TICAM1: variants seen among roughly 807,000 people sequenced by gnomAD.
TICAM1 encodes TIR domain-containing adapter molecule 1.
For synonymous variants in TICAM1, 439 were observed against 415.4 expected (o/e 1.06, Z -0.69); for missense variants, 895 against 938.2 (o/e 0.95, Z 0.60).
intron 1 of TICAM1, among the ~76,000 whole-genome samples, chr19:4,829,070 A>G (rs148525417): frequency 0.015 from 2,266 of 152,050 alleles, 53 homozygotes; most frequent in African/African-American, 0.052. Context: ...CCTGACCTCA[A>G]TCGATCCGCC....
At position 4,817,448 on chromosome 19, in the gene TICAM1, G is replaced by A. The variant is rs777146877; in HGVS notation, c.930C>T (p.Gly310=). 6.2e-7 allele frequency: 1 copy of A among 1,614,084 alleles called. No individual in the cohort carries two copies. Among genetic ancestry groups the A allele is most frequent in the East Asian group, 2.2e-5 (1 of 44,874 alleles). Residue 310 remains glycine (G), a synonymous_variant, in exon 2 of 2, where the codon GGC becomes GGT. Coordinates refer to ENST00000248244, the MANE Select transcript of TICAM1 (RefSeq NM_182919.4). The surrounding 1 kb of genome is among the most constrained non-coding windows in gnomAD (Gnocchi z 4.7). The part of the protein sequence containing the change: ...YPVECTEGSA[G]PQSLPLPILE... ...GAATAGGCAAGGGGAGAGACTGGGGGCCTGCAGACCCCTCGGTGCACTCCA... is the reference window on the plus strand; with the variant it reads ...GAATAGGCAAGGGGAGAGACTGGGGACCTGCAGACCCCTCGGTGCACTCCA...
chr19:4,823,198 C>G (rs1419778392), intron 1 of TICAM1, among the ~76,000 whole-genome samples: 1 of 152,064 alleles, frequency 6.6e-6, no homozygotes, highest in Non-Finnish European at 1.5e-5. Flanking sequence ...GGCGCAGTGG[C>G]TCACGCCTGT....
At position 4,817,255 on chromosome 19, in the gene TICAM1, G is replaced by A. The variant is rs2093587818; in HGVS notation, c.1123C>T (p.His375Tyr). The change falls in exon 2 of 2, where the codon CAC becomes TAC. Residue 375 changes from histidine (H) to tyrosine (Y), a missense_variant. His to Tyr is a moderately conservative substitution (Grantham distance 83). Transcript: ENST00000248244. The surrounding 1 kb of genome is among the most constrained non-coding windows in gnomAD (Gnocchi z 4.7). The stretch of plus-strand genomic sequence containing the variant: ...GGGAACAGGGAGGAGGGGGTCAGGT[G>A]AGCTGAACAAGGAGTAGATGAAGGA... ...PPPSSTPCSA[H>Y]LTPSSLFPSS... 1 of 1,612,832 alleles carries A rather than the reference G, an allele frequency of 6.2e-7. No homozygotes were observed. Among genetic ancestry groups the A allele is most frequent in the African/African-American group, 1.3e-5 (1 of 74,344 alleles).
chr19:4,823,329 G>T (rs1266742356), intron 1 of TICAM1, among the ~76,000 whole-genome samples: 6 of 152,250 alleles, frequency 3.9e-5, no homozygotes, highest in African/African-American at 1.4e-4. Flanking sequence ...TCCAGGCATG[G>T]TGGCGGGCGC....
chr19:4,822,968 C>CT (rs931161006), intron 1 of TICAM1, among the ~76,000 whole-genome samples: 7 of 152,018 alleles, frequency 4.6e-5, no homozygotes, highest in Non-Finnish European at 8.8e-5. Context: ...GAGAAAAGGC[C>CT]TTTTTTTGGT....
At chr19:4,831,390 T>A (rs1159252294) in intron 1 of TICAM1, among the ~76,000 whole-genome samples, 2 of 133,452 alleles carry the variant, frequency 1.5e-5, no homozygotes, top group Middle Eastern at 3.3e-3. Flanking sequence ...CTGGGGAGGA[T>A]CCCGACAGTG....
intron 1 of TICAM1, among the ~76,000 whole-genome samples, chr19:4,830,091 A>G (rs1048607598): frequency 1.5e-4 from 19 of 127,318 alleles, no homozygotes; most frequent in Non-Finnish European, 3.0e-4. Flanking sequence ...GCCCAGCCCC[A>G]TTTCATTTTT....
At chr19:4,822,367 C>T (rs530498598) in intron 1 of TICAM1, among the ~76,000 whole-genome samples, 130 of 152,082 alleles carry the variant, frequency 8.5e-4, no homozygotes, top group African/African-American at 2.7e-3. Context: ...TTCAGCCTCC[C>T]GAGTAGCTGG....
rs2093592475 is a variant in TICAM1 at position 4,818,864 on chromosome 19, G to T, written c.-139-348C>A. On this transcript the variant is annotated intron_variant, in intron 1 of 1. Coordinates refer to ENST00000248244, the MANE Select transcript of TICAM1 (RefSeq NM_182919.4). This position sits in a 1 kb window ranked among gnomAD's most constrained non-coding sequence, Gnocchi z 4.0. The stretch of plus-strand genomic sequence containing the variant: ...GGGGCTTAAGCCTGTAATCCCAGCA[G>T]TTGTGGAGGCCGAGGCGGGGGGATC... Among the ~76,000 whole-genome samples, 1 of 152,110 alleles carries T rather than the reference G, an allele frequency of 6.6e-6. No homozygotes were observed. Among genetic ancestry groups the T allele is most frequent in the South Asian group, 2.1e-4 (1 of 4,828 alleles).
chr19:4,828,758 A>G (rs2093609536), intron 1 of TICAM1, among the ~76,000 whole-genome samples: 1 of 145,822 alleles, frequency 6.9e-6, no homozygotes, highest in South Asian at 2.2e-4. Context: ...GCTGGAGTGC[A>G]GTGGCGCGAT....
At chr19:4,820,600 C>T (rs1390007606) in intron 1 of TICAM1, among the ~76,000 whole-genome samples, 3 of 151,538 alleles carry the variant, frequency 2.0e-5, no homozygotes, top group South Asian at 4.2e-4. Flanking sequence ...CGCGGTGGCT[C>T]ATGCCTGTAA....
chr19:4,817,911 C>T lies in TICAM1; in HGVS notation c.467G>A (p.Arg156Gln), dbSNP rs376914657. 1.1e-5 allele frequency: 17 copies of T among 1,613,766 alleles called. No homozygotes were observed. Among genetic ancestry groups the T allele is most frequent in the African/African-American group, 4.0e-5 (3 of 74,924 alleles). The change falls in exon 2 of 2, where the codon CGG (arginine) becomes CAG (glutamine). Residue 156 changes from arginine (R) to glutamine (Q), a missense_variant. Arg to Gln is a conservative substitution (Grantham distance 43, BLOSUM62 1). Transcript: ENST00000248244. The surrounding 1 kb of genome is among the most constrained non-coding windows in gnomAD (Gnocchi z 4.7). ...GCAGCCCAGATTGGACTGGAGCGTC[C>T]GGATGCTCCCTGGATCCCCAGCAAT... ...WDIAGDPGSI[R>Q]TLQSNLGCLP...
Position 4,816,518 on chromosome 19 carries a change from G to T in TICAM1, c.1860C>A (p.Pro620=). 6.3e-7 allele frequency: 1 copy of T among 1,594,586 alleles called. No individual in the cohort carries two copies. The highest frequency in any genetic ancestry group is 8.5e-7 in the Non-Finnish European group (1 of 1,171,546). Residue 620 remains proline (P), a synonymous_variant, in exon 2 of 2, where the codon CCC becomes CCA. Coordinates refer to ENST00000248244, the MANE Select transcript of TICAM1 (RefSeq NM_182919.4). This position sits in a 1 kb window ranked among gnomAD's most constrained non-coding sequence, Gnocchi z 4.3. ...GCGGGCACCCCGGCCAAGTGGGAAA[G>T]GGTGGCGGGGCTCCCAGGGGCACCT... ...GGQVPLGAPP[P]FPTWPGCPQP... is the part of the protein sequence containing the mutation.
intron 1 of TICAM1, among the ~76,000 whole-genome samples, chr19:4,829,633 G>C (rs1006709187): frequency 6.6e-6 from 1 of 152,080 alleles, no homozygotes; most frequent in African/African-American, 2.4e-5. Flanking sequence ...TACTTAGGAT[G>C]AATGGGAGTC....
rs756911879 is a variant in TICAM1, at chr19:4,817,866, A to G, written c.512T>C (p.Leu171Ser). The change falls in exon 2 of 2, where the codon TTG becomes TCG. Residue 171 changes from leucine (L) to serine (S), a missense_variant. Coordinates refer to ENST00000248244, the MANE Select transcript of TICAM1 (RefSeq NM_182919.4). The surrounding 1 kb of genome is among the most constrained non-coding windows in gnomAD (Gnocchi z 4.7). ...TGGGAGGCTCCTGGTCCCAGAGGGCAAAGCCGAGGATGGTGGGAGGCAGCC... is the reference window on the plus strand; with the variant it reads ...TGGGAGGCTCCTGGTCCCAGAGGGCGAAGCCGAGGATGGTGGGAGGCAGCC... Reference protein sequence around the residue: ...NLGCLPPSSALPSGTRSLPRP... With the variant: ...NLGCLPPSSASPSGTRSLPRP... The G allele has an allele frequency of 6.2e-7, 1 of 1,613,328 alleles. No homozygotes were observed. The highest frequency in any genetic ancestry group is 8.5e-7 in the Non-Finnish European group (1 of 1,179,832).
chr19:4,828,618 C>T (rs2093609272), intron 1 of TICAM1, among the ~76,000 whole-genome samples: 1 of 152,000 alleles, frequency 6.6e-6, no homozygotes, highest in Non-Finnish European at 1.5e-5. Flanking sequence ...ACTACAGCCT[C>T]CGCATCCTGG....
Position 4,818,596 on chromosome 19 carries a change from C to A in TICAM1, c.-139-80G>T. 1 of 958,474 alleles carries A rather than the reference C, an allele frequency of 1.0e-6. No homozygotes were observed. The highest frequency in any genetic ancestry group is 1.4e-6 in the Non-Finnish European group (1 of 694,222). The allele number at this position is 958,474 out of a possible 1,614,324, so 59.4% of individuals were successfully genotyped here. Reference sequence around the variant, plus strand: ...AAGGCGGCCCACACACCCCCGCCTGCTTTCCCCGCCTGCCACCCAGACCTA... The same window carrying A: ...AAGGCGGCCCACACACCCCCGCCTGATTTCCCCGCCTGCCACCCAGACCTA... On this transcript the variant is annotated intron_variant, in intron 1 of 1. Coordinates refer to ENST00000248244, the MANE Select transcript of TICAM1 (RefSeq NM_182919.4). The surrounding 1 kb of genome is among the most constrained non-coding windows in gnomAD (Gnocchi z 4.0).
intron 1 of TICAM1, among the ~76,000 whole-genome samples, chr19:4,820,369 G>A (rs1389583200): frequency 2.0e-5 from 3 of 147,846 alleles, no homozygotes; most frequent in Admixed American, 6.8e-5. Context: ...GCAGTGAACC[G>A]AGACTGCACC....
intron 1 of TICAM1, among the ~76,000 whole-genome samples, chr19:4,819,745 C>T (rs1167111189): frequency 1.3e-5 from 2 of 151,848 alleles, no homozygotes; most frequent in Non-Finnish European, 2.9e-5. Flanking sequence ...TGTGGTGGTC[C>T]GCGCCTGTAG....
Sources: gnomAD v4.1 joint callset for allele counts (sites outside exome capture counted in the v4.1 genomes callset) on GRCh38, gnomAD v4.1.1 for gene constraint, Gnocchi (gnomAD v3.1) non-coding constraint, MANE v1.5 for transcripts, NCBI Gene and HGNC (gene_info 2026-07-23, HGNC 2026-07-21) for gene names.